Variants in ITPR1 observed in about 807,000 individuals in gnomAD.
ITPR1 encodes the protein inositol 1,4,5-trisphosphate receptor type 1.
In ITPR1, 96 loss-of-function variants were observed where a neutral mutation model predicts 318.4. The ratio of observed to expected loss-of-function variants is 0.30; its 90% CI spans 0.26 to 0.36. ITPR1 has a LOEUF of 0.36. Ranked by LOEUF, ITPR1 falls within the 10% of genes least tolerant of loss-of-function variation. ITPR1 has a pLI of 1.00. For synonymous variants in ITPR1, 1,312 were observed against 1,289.9 expected (o/e 1.02, Z -0.37); for missense variants, 2,440 against 3,460.2 (o/e 0.71, Z 7.40).
At chr3:4,676,934 T>A in intron 24 of ITPR1, 133 bp downstream of exon 24, 2 of 644,992 alleles carry the variant, frequency 3.1e-6, no homozygotes. Context: ...CATCCCTCCG[T>A]GTCATTTATG....
chr3:4,607,277 C>G (rs1315900644), intron 4 of ITPR1, among the ~76,000 whole-genome samples: 1 of 152,146 alleles, frequency 6.6e-6, no homozygotes, highest in Non-Finnish European at 1.5e-5. Context: ...GATGATTTGA[C>G]TGCACACTAA....
At chr3:4,726,999 C>T in intron 41 of ITPR1, 127 bp from the exon 42 acceptor site, 1 of 754,764 alleles carries the variant, frequency 1.3e-6, no homozygotes. Flanking sequence ...AAAATCCAGA[C>T]CTATTCTCCT....
chr3:4,649,814 C>T (rs905079542), intron 10 of ITPR1, among the ~76,000 whole-genome samples: 2 of 152,164 alleles, frequency 1.3e-5, no homozygotes, highest in African/African-American at 4.8e-5. Context: ...TCTGCTGTGT[C>T]CTCACATGGC....
intron 19 of ITPR1, 112 bp from the exon 20 acceptor site, chr3:4,670,617 G>A (rs1458160006): frequency 1.3e-6 from 1 of 780,806 alleles, no homozygotes; most frequent in Non-Finnish European, 2.1e-6. Context: ...CTGCCCTTGG[G>A]GGAAATACAA....
At chr3:4,542,003 T>C (rs2084504819) in intron 4 of ITPR1, among the ~76,000 whole-genome samples, 1 of 152,170 alleles carries the variant, frequency 6.6e-6, no homozygotes, top group African/African-American at 2.4e-5. Context: ...CTTCTCATCT[T>C]TGTTTACTAT....
intron 4 of ITPR1, among the ~76,000 whole-genome samples, chr3:4,523,638 T>C (rs573847344): frequency 6.6e-6 from 1 of 152,200 alleles, no homozygotes; most frequent in Non-Finnish European, 1.5e-5. Context: ...GAGTTCAATC[T>C]TTTTAGATTC....
intron 54 of ITPR1, among the ~76,000 whole-genome samples, chr3:4,803,162 C>T (rs2048350681): frequency 6.6e-6 from 1 of 152,178 alleles, no homozygotes; most frequent in Non-Finnish European, 1.5e-5. Flanking sequence ...CGCTTTTAAA[C>T]AACCAGCTCT....
chr3:4,554,537 G>T (rs188062649), intron 4 of ITPR1, among the ~76,000 whole-genome samples: 1 of 152,254 alleles, frequency 6.6e-6, no homozygotes, highest in South Asian at 2.1e-4. Flanking sequence ...TGAGCTCACT[G>T]GTGGGTTGGG....
chr3:4,580,167 G>A (rs192910856), intron 4 of ITPR1, among the ~76,000 whole-genome samples: 1 of 152,026 alleles, frequency 6.6e-6, no homozygotes, highest in Non-Finnish European at 1.5e-5. Context: ...CCGAGATCAT[G>A]CCACTCCACT....
intron 40 of ITPR1, among the ~76,000 whole-genome samples, chr3:4,718,322 ATC>A (rs1339121954): frequency 6.6e-6 from 1 of 152,212 alleles, no homozygotes; most frequent in Admixed American, 6.5e-5. Flanking sequence ...TCTACTTCAG[ATC>A]TCTGTTTCTT....
intron 4 of ITPR1, among the ~76,000 whole-genome samples, chr3:4,583,604 G>A (rs759343788): frequency 2.0e-5 from 3 of 152,238 alleles, no homozygotes; most frequent in Admixed American, 6.5e-5. Context: ...TTTTAGGAAA[G>A]ATACAGCTTG....
At chr3:4,535,449 T>TTTC (rs1237498230) in intron 4 of ITPR1, among the ~76,000 whole-genome samples, 2 of 139,444 alleles carry the variant, frequency 1.4e-5, no homozygotes, top group African/African-American at 5.2e-5. Flanking sequence ...TTAATTTTTT[T>TTTC]TTTTTTTTTT....
intron 4 of ITPR1, among the ~76,000 whole-genome samples, chr3:4,532,440 C>T (rs2083493907): frequency 6.6e-6 from 1 of 152,182 alleles, no homozygotes; most frequent in Non-Finnish European, 1.5e-5. Context: ...TCAAGGCCCA[C>T]CGCAGCCTTG....
intron 44 of ITPR1, among the ~76,000 whole-genome samples, chr3:4,745,598 C>G (rs982414093): frequency 3.9e-5 from 6 of 152,148 alleles, no homozygotes; most frequent in African/African-American, 1.4e-4. Context: ...TGTTTTGAGG[C>G]CCCATCTCCA....
intron 30 of ITPR1, among the ~76,000 whole-genome samples, chr3:4,686,520 T>A (rs570030755): frequency 6.6e-6 from 1 of 152,332 alleles, no homozygotes; most frequent in Non-Finnish European, 1.5e-5. Context: ...CATAATATCA[T>A]CAGTTTCCCT....
At chr3:4,586,507 C>CTTT (rs34188022) in intron 4 of ITPR1, among the ~76,000 whole-genome samples, 2 of 104,798 alleles carry the variant, frequency 1.9e-5, no homozygotes, top group Admixed American at 1.0e-4. Flanking sequence ...GCCTTGAGTG[C>CTTT]TTTTTTTTTT....
At chr3:4,629,196 A>G (rs2092936701) in intron 5 of ITPR1, among the ~76,000 whole-genome samples, 1 of 151,162 alleles carries the variant, frequency 6.6e-6, no homozygotes, top group Non-Finnish European at 1.5e-5. Flanking sequence ...GCTTTATTTT[A>G]TTTTATTTTA....
Position 4,655,645 on chromosome 3 carries a change from G to A in ITPR1, c.996+1759G>A, listed in dbSNP as rs188004983. Among the ~76,000 whole-genome samples, 20 of 152,330 alleles carry A rather than the reference G, an allele frequency of 1.3e-4. 1 individual carries two copies. In the Middle Eastern group the frequency reaches 0.01, roughly 78 times the overall value. ...TCCTGGTACAGAGGAGGAAGCAGCC[G>A]TTGAGAGTGGTCCAGACTCATCCCC... On this transcript the variant is annotated intron_variant, in intron 12 of 61. Transcript: ENST00000649015.
rs186768534 is a variant in ITPR1 at position 4,558,064 on chromosome 3, G to A, written c.163+36970G>A. ...AAAGTGTTTGGACCATTCTCAAACC[G>A]GCCAACTTCTCAATTCAGTTTAAAA... On this transcript the variant is annotated intron_variant, in intron 4 of 61. Coordinates refer to ENST00000649015, the MANE Select transcript of ITPR1 (RefSeq NM_001378452.1). Among the ~76,000 whole-genome samples, 57 of 152,180 alleles carry A rather than the reference G, an allele frequency of 3.7e-4. 1 individual carries two copies. Among genetic ancestry groups the A allele is most frequent in the Non-Finnish European group, 6.5e-4 (44 of 68,008 alleles).
Sources: allele counts gnomAD v4.1 joint callset (sites outside exome capture counted in the v4.1 genomes callset), GRCh38; gene constraint gnomAD v4.1.1; transcripts MANE v1.5; gene names NCBI Gene and HGNC (gene_info 2026-07-23, HGNC 2026-07-21).